ANKS1B: variants seen among roughly 807,000 people sequenced by gnomAD.
ANKS1B encodes the protein ankyrin repeat and sterile alpha motif domain-containing protein 1B.
A neutral mutation model predicts 148.3 loss-of-function variants in ANKS1B; 36 were observed. The ratio of observed to expected loss-of-function variants is 0.24; its 90% CI spans 0.19 to 0.32. ANKS1B has a LOEUF of 0.32. ANKS1B is among the 10% of genes least tolerant of loss of function. The pLI, the probability that ANKS1B is intolerant of heterozygous loss-of-function variation, is 1.00. For missense variants in ANKS1B, 1,157 were observed against 1,542.6 expected, an observed-to-expected ratio of 0.75 and a Z score of 4.19; for synonymous variants, 542 against 560.8, an observed-to-expected ratio of 0.97 and a Z score of 0.47.
At chr12:99,767,998 C>T (rs1027200191) in intron 8 of ANKS1B, among the ~76,000 whole-genome samples, 3 of 152,064 alleles carry the variant, frequency 2.0e-5, no homozygotes, top group Admixed American at 1.3e-4. Flanking sequence ...ATTACTGAAT[C>T]AGAGTGCCCT....
rs755439443 is a variant in ANKS1B, at chr12:99,163,055, C to CA, written c.2420-8661dup. Among the ~76,000 whole-genome samples, 1,065 of 117,464 alleles carry CA rather than the reference C, an allele frequency of 9.1e-3. 4 individuals carry two copies. The highest frequency in any genetic ancestry group is 0.021 in the African/African-American group (641 of 31,132). 77.1% of individuals were successfully genotyped at this position (117,464 alleles called of 152,430 possible). A position where few individuals can be genotyped will look rare whatever the true frequency, so the allele number is the denominator to read the frequency against. ...CCTGGGCGACAGAGCGAGACTCTGT[C>CA]AAAAAAAAAAAAAATTCTACTAAGT... On this transcript the variant is annotated intron_variant, in intron 14 of 26. Transcript: ENST00000683438.
chr12:98,907,005 CTGTGTGTGTG>C lies in ANKS1B; in HGVS notation c.2779-74879_2779-74870del, dbSNP rs59857138. ...CATATCATCCCCTCACATAGTTACTCTGTGTGTGTGTGTGTGTGTGTGTGTGTGTGTGTGT... is the reference window on the plus strand; with the variant it reads ...CATATCATCCCCTCACATAGTTACTCTGTGTGTGTGTGTGTGTGTGTGTGT... On this transcript the variant is annotated intron_variant, in intron 17 of 26. Transcript: ENST00000683438. Among the ~76,000 whole-genome samples the C allele has an allele frequency of 9.0e-3, 1,311 of 145,392 alleles. 10 individuals carry two copies. Among genetic ancestry groups the C allele is most frequent in the African/African-American group, 0.02 (792 of 39,348 alleles).
At position 99,504,606 on chromosome 12, in the gene ANKS1B, T is replaced by C; in HGVS notation, c.1308A>G (p.Glu436=). The change falls in exon 10 of 27, where the codon GAA becomes GAG. Residue 436 remains glutamate (E), a synonymous_variant. Coordinates refer to ENST00000683438, the MANE Select transcript of ANKS1B (RefSeq NM_001352186.2). ...TATCCAGAGAAGCAGATGGTACAAT[T>C]TCCATAGTGTAATTTCTCTTCTTTG... is the stretch of plus-strand genomic sequence containing the variant. ...SYPKKRNYTM[E]IVPSASLDTF... is the part of the protein sequence containing the mutation. 1 of 1,606,790 alleles carries C rather than the reference T, an allele frequency of 6.2e-7. No homozygotes were observed. The highest frequency in any genetic ancestry group is 8.5e-7 in the Non-Finnish European group (1 of 1,176,366).
intron 1 of ANKS1B, among the ~76,000 whole-genome samples, chr12:99,933,448 G>A (rs886787876): frequency 6.6e-6 from 1 of 151,906 alleles, no homozygotes; most frequent in Non-Finnish European, 1.5e-5. Flanking sequence ...CATCAGTGTT[G>A]TATAGTTTTC....
At chr12:99,874,000 ATCTCTC>A (rs142537166) in intron 1 of ANKS1B, among the ~76,000 whole-genome samples, 1 of 138,578 alleles carries the variant, frequency 7.2e-6, no homozygotes, top group Non-Finnish European at 1.5e-5. Flanking sequence ...AAATAAATAA[ATCTCTC>A]TCTCTCTCTC....
At chr12:99,238,812 C>A (rs138717484) in intron 14 of ANKS1B, among the ~76,000 whole-genome samples, 2 of 152,154 alleles carry the variant, frequency 1.3e-5, no homozygotes, top group South Asian at 2.1e-4. Flanking sequence ...AGCAGACCTG[C>A]AGCTGAGGGG....
intron 25 of ANKS1B, among the ~76,000 whole-genome samples, chr12:98,756,257 A>G (rs1016492584): frequency 1.1e-4 from 16 of 152,124 alleles, no homozygotes; most frequent in Non-Finnish European, 2.1e-4. Flanking sequence ...GTGATAGTGA[A>G]TAAGTCTCAC....
intron 9 of ANKS1B, among the ~76,000 whole-genome samples, chr12:99,518,092 T>C (rs968481887): frequency 2.0e-5 from 3 of 152,212 alleles, no homozygotes; most frequent in Admixed American, 1.3e-4. Context: ...ATAAAACATC[T>C]TTTTAATATA....
intron 14 of ANKS1B, among the ~76,000 whole-genome samples, chr12:99,237,210 G>T (rs900198551): frequency 2.0e-5 from 3 of 151,906 alleles, no homozygotes; most frequent in African/African-American, 7.3e-5. Context: ...TTTTGTTTGG[G>T]GTGTGTTCCT....
intron 19 of ANKS1B, among the ~76,000 whole-genome samples, chr12:98,826,440 G>A (rs770759080): frequency 1.3e-5 from 2 of 151,980 alleles, no homozygotes; most frequent in Non-Finnish European, 2.9e-5. Flanking sequence ...GTTAAGCAAA[G>A]CACCTCCAAA....
intron 15 of ANKS1B, among the ~76,000 whole-genome samples, chr12:99,117,804 T>C (rs551241866): frequency 7.2e-5 from 11 of 152,330 alleles, no homozygotes; most frequent in African/African-American, 2.6e-4. Flanking sequence ...CTGGTAGAAT[T>C]CGGCTGTGAA....
At chr12:99,246,985 C>A in intron 12 of ANKS1B, 121 bp from the exon 13 acceptor site, 1 of 767,320 alleles carries the variant, frequency 1.3e-6, no homozygotes, top group Non-Finnish European at 2.1e-6. Context: ...CATAGCAATA[C>A]CTTCACTTTA....
At position 99,741,737 on chromosome 12, in the gene ANKS1B, G is replaced by T. The variant is rs113669163; in HGVS notation, c.1128+31185C>A. On this transcript the variant is annotated intron_variant, in intron 8 of 26. Transcript: ENST00000683438. ...AGGGAGGGGAACATCACACACTGGG[G>T]CCTGTCGAGGTGGGGGGCAAGGGGA... is the stretch of plus-strand genomic sequence containing the variant. 1.9e-3 allele frequency among the ~76,000 whole-genome samples: 290 copies of T among 152,102 alleles called. 6 individuals are homozygous for T. Among genetic ancestry groups the T allele is most frequent in the African/African-American group, 5.4e-3 (224 of 41,486 alleles).
At chr12:99,463,932 G>C (rs889026811) in intron 10 of ANKS1B, among the ~76,000 whole-genome samples, 2 of 152,182 alleles carry the variant, frequency 1.3e-5, no homozygotes, top group African/African-American at 4.8e-5. Flanking sequence ...GCTTTGAAGA[G>C]AGCAGTGGTT....
intron 1 of ANKS1B, among the ~76,000 whole-genome samples, chr12:99,928,278 T>TTTATTTTA (rs373566104): frequency 4.6e-4 from 68 of 148,202 alleles, no homozygotes; most frequent in Non-Finnish European, 8.2e-4. Context: ...TTTATTTTTT[T>TTTATTTTA]TTTTTTTTTT....
chr12:99,409,993 A>G (rs936324383), intron 11 of ANKS1B, among the ~76,000 whole-genome samples: 3 of 152,158 alleles, frequency 2.0e-5, no homozygotes, highest in Non-Finnish European at 2.9e-5. Flanking sequence ...ATATCACCCT[A>G]CTTTCCAGAG....
intron 17 of ANKS1B, among the ~76,000 whole-genome samples, chr12:98,858,752 C>T (rs2099584392): frequency 6.6e-6 from 1 of 152,088 alleles, no homozygotes; most frequent in South Asian, 2.1e-4. Flanking sequence ...CAATAAGGAG[C>T]CATGGAGCAG....
At chr12:99,635,019 T>C (rs982398582) in intron 9 of ANKS1B, among the ~76,000 whole-genome samples, 2 of 152,118 alleles carry the variant, frequency 1.3e-5, no homozygotes, top group Non-Finnish European at 1.5e-5. Flanking sequence ...ATGCCCAACA[T>C]CACTAATCAT....
At position 99,239,152 on chromosome 12, in the gene ANKS1B, G is replaced by A. The variant is rs137948456; in HGVS notation, c.2419+5190C>T. Among the ~76,000 whole-genome samples, 102 of 152,186 alleles carry A rather than the reference G, an allele frequency of 6.7e-4. No homozygotes were observed. In the East Asian group the frequency reaches 0.016, roughly 24 times the overall value. The stretch of plus-strand genomic sequence containing the variant: ...AGGATCATATTCTAACCCATCTCAA[G>A]GAAGCTAAAAACCCTGAAAAAAGGT... On this transcript the variant is annotated intron_variant, in intron 14 of 26. Coordinates refer to ENST00000683438, the MANE Select transcript of ANKS1B (RefSeq NM_001352186.2).
Sources: allele counts gnomAD v4.1 joint callset (sites outside exome capture counted in the v4.1 genomes callset), GRCh38; gene constraint gnomAD v4.1.1; transcripts MANE v1.5; gene names NCBI Gene and HGNC (gene_info 2026-07-23, HGNC 2026-07-21).